Variants in GALNT10 observed in about 807,000 individuals in gnomAD.
The protein encoded by GALNT10 is GalNAc transferase 10.
Under a neutral mutation model 75.0 loss-of-function variants are expected in GALNT10, and 41 were observed. The ratio of observed to expected loss-of-function variants is 0.55; its 90% confidence interval spans 0.43 to 0.71. The LOEUF (loss-of-function observed/expected upper bound fraction) is 0.71, where lower values mean the gene tolerates loss of function less well. Ranked by LOEUF, GALNT10 falls within the 30% of genes least tolerant of loss-of-function variation. GALNT10 has a pLI of 0.00. For synonymous variants in GALNT10, 302 were observed against 313.0 expected (o/e 0.96, Z 0.37); for missense variants, 727 against 818.5 (o/e 0.89, Z 1.36).
chr5:154,277,684 G>A (rs144189834), intron 1 of GALNT10, among the ~76,000 whole-genome samples: 2 of 152,320 alleles, frequency 1.3e-5, no homozygotes, highest in East Asian at 3.9e-4. Flanking sequence ...ATAAACCAGA[G>A]TTATCAGAAG....
chr5:154,343,722 TCTC>T (rs1424217968), intron 4 of GALNT10, among the ~76,000 whole-genome samples: 1 of 152,124 alleles, frequency 6.6e-6, no homozygotes, highest in Non-Finnish European at 1.5e-5. Context: ...GTAGATTACA[TCTC>T]CTCCAACCTC....
rs935773159 is a variant in GALNT10, at chr5:154,369,362, T to C, written c.569-6915T>C. On this transcript the variant is annotated intron_variant, in intron 4 of 11. Coordinates refer to ENST00000297107, the MANE Select transcript of GALNT10 (RefSeq NM_198321.4). ...GAGATGGCACCACTACACTCCAGCC[T>C]GGGTGACAAAGTGAGACCTCGTCTC... Among the ~76,000 whole-genome samples the C allele has an allele frequency of 3.0e-4, 46 of 152,114 alleles. 1 individual carries two copies. The highest frequency in any genetic ancestry group is 1.5e-5 in the Non-Finnish European group (1 of 68,018).
rs1349080032 is a variant in GALNT10 at position 154,190,977 on chromosome 5, C to T, written c.111C>T (p.Asp37=). 5 of 1,506,506 alleles carry T rather than the reference C, an allele frequency of 3.3e-6. No homozygotes were observed. Among genetic ancestry groups the T allele is most frequent in the East Asian group, 5.2e-5 (2 of 38,530 alleles). The allele number at this position is 1,506,506 out of a possible 1,614,324, so 93.3% of individuals were successfully genotyped here. A position where few individuals can be genotyped will look rare whatever the true frequency, so the allele number is the denominator to read the frequency against. The change falls in exon 1 of 12, where the codon GAC becomes GAT. Residue 37 remains aspartate (D), a synonymous_variant. Coordinates refer to ENST00000297107, the MANE Select transcript of GALNT10 (RefSeq NM_198321.4). Reference sequence around the variant, plus strand: ...CGCTGTACCGCGAGCGGCAGCCCGACGGCACCCCTGGGGGATCGGGGGCGG... The same window carrying T: ...CGCTGTACCGCGAGCGGCAGCCCGATGGCACCCCTGGGGGATCGGGGGCGG... ...LWALYRERQP[D]GTPGGSGAAV... is the part of the protein sequence containing the mutation.
At chr5:154,262,612 T>C (rs1225418222) in intron 1 of GALNT10, among the ~76,000 whole-genome samples, 1 of 152,126 alleles carries the variant, frequency 6.6e-6, no homozygotes, top group African/African-American at 2.4e-5. Context: ...CCCCTGAGCC[T>C]CCCTGTTGAT....
chr5:154,359,072 G>C (rs1041705464), intron 4 of GALNT10, among the ~76,000 whole-genome samples: 3 of 152,192 alleles, frequency 2.0e-5, no homozygotes, highest in African/African-American at 7.2e-5. Context: ...CAGGCCATTA[G>C]TATTTGTGTT....
intron 1 of GALNT10, among the ~76,000 whole-genome samples, chr5:154,250,586 A>G (rs1357676626): frequency 1.3e-5 from 2 of 152,180 alleles, no homozygotes; most frequent in East Asian, 1.9e-4. Context: ...GCAGTTCCAG[A>G]CATCACACAT....
chr5:154,349,522 T>C (rs969026750), intron 4 of GALNT10: 5 of 152,306 alleles, frequency 3.3e-5, no homozygotes, highest in African/African-American at 1.2e-4. Flanking sequence ...TTTAGTGCAC[T>C]ATGCTGATCG....
intron 1 of GALNT10, among the ~76,000 whole-genome samples, chr5:154,277,019 A>G (rs1753963059): frequency 1.3e-5 from 2 of 152,280 alleles, no homozygotes; most frequent in South Asian, 2.1e-4. Context: ...ACCATAAACA[A>G]TGCTGTATAA....
At chr5:154,199,316 C>A (rs1205626186) in intron 1 of GALNT10, among the ~76,000 whole-genome samples, 1 of 152,122 alleles carries the variant, frequency 6.6e-6, no homozygotes, top group African/African-American at 2.4e-5. Flanking sequence ...TCTCCACCCA[C>A]CTGACAGGAG....
intron 2 of GALNT10, 142 bp from the exon 3 acceptor site, chr5:154,297,799 A>ACTTCCCC: frequency 4.3e-6 from 1 of 232,850 alleles, no homozygotes; most frequent in Non-Finnish European, 7.8e-6. Context: ...TACTCTTTGT[A>ACTTCCCC]CTGAGCAAAA....
chr5:154,268,585 A>G (rs510885), intron 1 of GALNT10, among the ~76,000 whole-genome samples: 9,809 of 152,266 alleles, frequency 0.064, 865 homozygotes, highest in African/African-American at 0.2. Flanking sequence ...AAGATGGCAA[A>G]AGAATATTAA....
At chr5:154,311,760 G>A (rs189045273) in intron 3 of GALNT10, among the ~76,000 whole-genome samples, 1 of 152,132 alleles carries the variant, frequency 6.6e-6, no homozygotes, top group Non-Finnish European at 1.5e-5. Context: ...ATGGGCACAC[G>A]CCACCACACC....
intron 3 of GALNT10, among the ~76,000 whole-genome samples, chr5:154,318,296 G>A (rs905459994): frequency 6.6e-6 from 1 of 152,232 alleles, no homozygotes; most frequent in African/African-American, 2.4e-5. Flanking sequence ...TGCATGGATT[G>A]TTGACTTGGA....
intron 7 of GALNT10, among the ~76,000 whole-genome samples, chr5:154,401,887 G>A (rs565860219): frequency 2.6e-5 from 4 of 152,252 alleles, no homozygotes; most frequent in South Asian, 2.1e-4. Context: ...CACAGAATCT[G>A]GTTTGCAGAT....
intron 1 of GALNT10, among the ~76,000 whole-genome samples, chr5:154,266,738 G>A (rs563366295): frequency 1.2e-4 from 19 of 152,048 alleles, no homozygotes; most frequent in South Asian, 2.1e-4. Flanking sequence ...AAATATTAGC[G>A]GGGTGTGGTG....
intron 4 of GALNT10, among the ~76,000 whole-genome samples, chr5:154,356,444 T>C (rs1291835774): frequency 6.6e-6 from 1 of 152,092 alleles, no homozygotes; most frequent in Admixed American, 6.5e-5. Context: ...GAGCCTCAAG[T>C]CTCAGGCCTG....
At chr5:154,289,733 T>C (rs1754165803) in intron 1 of GALNT10, among the ~76,000 whole-genome samples, 1 of 152,216 alleles carries the variant, frequency 6.6e-6, no homozygotes, top group Non-Finnish European at 1.5e-5. Context: ...TCTGTAGACA[T>C]TTTTACTTAG....
intron 4 of GALNT10, among the ~76,000 whole-genome samples, chr5:154,364,991 C>T (rs887014441): frequency 3.3e-5 from 5 of 152,176 alleles, no homozygotes; most frequent in African/African-American, 4.8e-5. Flanking sequence ...TGTTTTTATT[C>T]GTCGTCTGAT....
At chr5:154,371,294 TTAACA>T (rs945333027) in intron 4 of GALNT10, among the ~76,000 whole-genome samples, 3 of 152,172 alleles carry the variant, frequency 2.0e-5, no homozygotes, top group African/African-American at 7.2e-5. Context: ...TGACCCCGTC[TTAACA>T]TAACTACATC....
Sources: gnomAD v4.1 joint callset for allele counts (sites outside exome capture counted in the v4.1 genomes callset) on GRCh38, gnomAD v4.1.1 for gene constraint, MANE v1.5 for transcripts, NCBI Gene and HGNC (gene_info 2026-07-23, HGNC 2026-07-21) for gene names.